MYO16: variants seen among roughly 807,000 people sequenced by gnomAD.
MYO16 encodes the protein myosin XVI.
In MYO16, 94 loss-of-function variants were observed where a neutral mutation model predicts 205.3. That is an observed-to-expected ratio of 0.46 (90% confidence interval 0.39 to 0.54). MYO16 has a LOEUF of 0.54. Ranked by LOEUF, MYO16 falls within the 20% of genes least tolerant of loss-of-function variation. MYO16 has a pLI of 0.00. For synonymous variants in MYO16, 988 were observed against 954.0 expected (o/e 1.04, Z -0.66); for missense variants, 2,315 against 2,387.5 (o/e 0.97, Z 0.63).
At chr13:109,033,611 T>G (rs1211028640) in intron 23 of MYO16, among the ~76,000 whole-genome samples, 1 of 152,080 alleles carries the variant, frequency 6.6e-6, no homozygotes, top group Non-Finnish European at 1.5e-5. Flanking sequence ...CTGTACTAAA[T>G]TTTCAAAGAG....
chr13:108,614,361 T>C (rs1011174994), intron 1 of MYO16, among the ~76,000 whole-genome samples: 1 of 151,982 alleles, frequency 6.6e-6, no homozygotes. Flanking sequence ...TTTCCATGGA[T>C]TGAAAGACAT....
chr13:109,195,460 T>A lies in MYO16; in HGVS notation c.5416-11149T>A, dbSNP rs79842314. ...TATGTAAGCTTTTAATCAAAGACTT[T>A]TTAAAAATCACACTTTATGCTATAT... On this transcript the variant is annotated intron_variant, in intron 34 of 34. Coordinates refer to ENST00000457511, the MANE Select transcript of MYO16 (RefSeq NM_001198950.3). Among the ~76,000 whole-genome samples, 1,353 of 152,226 alleles carry A rather than the reference T, an allele frequency of 8.9e-3. 20 individuals are homozygous for A. Among genetic ancestry groups the A allele is most frequent in the African/African-American group, 0.031 (1,298 of 41,542 alleles).
chr13:109,205,594 T>A (rs536749974), intron 34 of MYO16, among the ~76,000 whole-genome samples: 3 of 152,296 alleles, frequency 2.0e-5, no homozygotes, highest in South Asian at 4.1e-4. Context: ...CATTTTTTTT[T>A]TAAACCAGTA....
intron 4 of MYO16, among the ~76,000 whole-genome samples, chr13:108,734,202 T>A (rs1214645491): frequency 1.3e-5 from 2 of 152,100 alleles, no homozygotes; most frequent in Non-Finnish European, 2.9e-5. Flanking sequence ...TTGCTTTTTT[T>A]TTTTAGCACT....
At chr13:108,583,177 A>T in the MYO16 span, among the ~76,000 whole-genome samples, 2 of 152,286 alleles carry the variant, frequency 1.3e-5, no homozygotes, top group Admixed American at 6.5e-5. Flanking sequence ...ATTTCTACTT[A>T]AAAAAATCAG....
intron 31 of MYO16, among the ~76,000 whole-genome samples, chr13:109,136,294 T>C (rs947272343): frequency 1.3e-5 from 2 of 152,028 alleles, no homozygotes; most frequent in African/African-American, 4.8e-5. Context: ...GTTTTCAACA[T>C]ATTGTTGAAA....
chr13:108,636,838 T>A (rs1472327441), intron 1 of MYO16, among the ~76,000 whole-genome samples: 1 of 152,206 alleles, frequency 6.6e-6, no homozygotes, highest in Non-Finnish European at 1.5e-5. Context: ...CTGAGACTAA[T>A]CTTTATGACA....
intron 28 of MYO16, among the ~76,000 whole-genome samples, chr13:109,102,508 G>GTA (rs66608070): frequency 7.2e-5 from 4 of 55,608 alleles, no homozygotes; most frequent in African/African-American, 2.8e-4. Context: ...GTGTGTGTGT[G>GTA]TATATATATA....
At chr13:108,758,498 T>A (rs1453221318) in intron 4 of MYO16, among the ~76,000 whole-genome samples, 1 of 152,156 alleles carries the variant, frequency 6.6e-6, no homozygotes, top group Admixed American at 6.5e-5. Context: ...CACATTCTTT[T>A]CAGCTAAAGG....
At chr13:108,672,291 A>C (rs1441637451) in intron 2 of MYO16, among the ~76,000 whole-genome samples, 2 of 152,198 alleles carry the variant, frequency 1.3e-5, no homozygotes, top group Non-Finnish European at 2.9e-5. Context: ...AGTCAAATGC[A>C]CTTGTTTATG....
intron 4 of MYO16, among the ~76,000 whole-genome samples, chr13:108,769,588 G>A (rs1324363399): frequency 6.6e-6 from 1 of 152,200 alleles, no homozygotes; most frequent in African/African-American, 2.4e-5. Context: ...TTGAGGTGGG[G>A]CTGTGGTTTT....
chr13:108,919,733 T>C (rs7987738), intron 16 of MYO16, among the ~76,000 whole-genome samples: 58,302 of 152,022 alleles, frequency 0.38, 11,517 homozygotes, highest in South Asian at 0.57. Flanking sequence ...GTAAATAAAA[T>C]TATGAATTTA....
At chr13:108,712,560 C>A in intron 2 of MYO16, 101 bp from the exon 3 acceptor site, 1 of 1,006,172 alleles carries the variant, frequency 9.9e-7, no homozygotes, top group Non-Finnish European at 1.6e-6. Context: ...TTGGTTTTCA[C>A]AGCTGTTTGC....
At chr13:108,739,132 T>A (rs1375965310) in intron 4 of MYO16, among the ~76,000 whole-genome samples, 1 of 152,218 alleles carries the variant, frequency 6.6e-6, no homozygotes, top group Non-Finnish European at 1.5e-5. Flanking sequence ...TTAGTCCATT[T>A]ACATTTAAGG....
intron 2 of MYO16, among the ~76,000 whole-genome samples, chr13:108,688,181 C>A (rs34358114): frequency 6.6e-6 from 1 of 151,850 alleles, no homozygotes; most frequent in Non-Finnish European, 1.5e-5. Flanking sequence ...ATTACAAGGG[C>A]CTTAATTACA....
intron 16 of MYO16, among the ~76,000 whole-genome samples, chr13:108,945,294 C>G (rs1000987980): frequency 1.3e-5 from 2 of 152,096 alleles, no homozygotes; most frequent in Non-Finnish European, 2.9e-5. Flanking sequence ...GTGATTGGGT[C>G]TTTCTGGAAA....
chr13:108,903,448 A>G (rs1362615737), intron 15 of MYO16, among the ~76,000 whole-genome samples: 1 of 152,182 alleles, frequency 6.6e-6, no homozygotes, highest in African/African-American at 2.4e-5. Context: ...TGACTACTGT[A>G]TCTCTGTATT....
At chr13:108,665,835 A>G (rs1304384037) in intron 1 of MYO16, 51 bp from the exon 2 acceptor site, 3 of 1,567,138 alleles carry the variant, frequency 1.9e-6, no homozygotes, top group Non-Finnish European at 2.6e-6. Flanking sequence ...GTGCACACTT[A>G]TAGTGGTTAT....
At chr13:108,849,956 A>C (rs1193837979) in intron 10 of MYO16, among the ~76,000 whole-genome samples, 16 of 116,794 alleles carry the variant, frequency 1.4e-4, no homozygotes, top group African/African-American at 5.5e-4. Flanking sequence ...ATCCTGTTGA[A>C]TTTCCTCTTT....
Sources: allele counts gnomAD v4.1 joint callset (sites outside exome capture counted in the v4.1 genomes callset), GRCh38; gene constraint gnomAD v4.1.1; transcripts MANE v1.5; gene names NCBI Gene and HGNC (gene_info 2026-07-23, HGNC 2026-07-21).